CNTNAP5: variants seen among roughly 807,000 people sequenced by gnomAD.
CNTNAP5 encodes the protein contactin-associated protein-like 5.
In CNTNAP5, 72 loss-of-function variants were observed where a neutral mutation model predicts 150.2. That is an observed-to-expected ratio of 0.48 (90% CI 0.40 to 0.58). CNTNAP5 has a LOEUF of 0.58. Ranked by LOEUF, CNTNAP5 falls within the 20% of genes least tolerant of loss-of-function variation. CNTNAP5 has a pLI of 0.00. For synonymous variants in CNTNAP5, 672 were observed against 619.8 expected (o/e 1.08, Z -1.25); for missense variants, 1,636 against 1,626.2 (o/e 1.01, Z -0.10).
intron 13 of CNTNAP5, among the ~76,000 whole-genome samples, chr2:124,713,680 C>T (rs12992994): frequency 0.22 from 32,628 of 151,718 alleles, 3,685 homozygotes; most frequent in East Asian, 0.27. Context: ...TGGGCCATAA[C>T]GTGTTTCTTA....
chr2:124,116,247 G>A (rs1362167452), intron 1 of CNTNAP5, among the ~76,000 whole-genome samples: 1 of 152,164 alleles, frequency 6.6e-6, no homozygotes, highest in African/African-American at 2.4e-5. Context: ...GATAAAGTGG[G>A]TACCAGGTGT....
chr2:124,511,603 A>C (rs947255702), intron 8 of CNTNAP5, among the ~76,000 whole-genome samples: 124 of 152,304 alleles, frequency 8.1e-4, no homozygotes, highest in African/African-American at 3.0e-3. Context: ...TCCCTCCAGC[A>C]CTATTCATGA....
chr2:124,246,544 C>A (rs747127164), intron 3 of CNTNAP5, among the ~76,000 whole-genome samples: 4 of 152,160 alleles, frequency 2.6e-5, no homozygotes, highest in Non-Finnish European at 5.9e-5. Context: ...TGGGCAGCAA[C>A]ATGAGCCAAT....
At chr2:124,316,052 A>G (rs992702642) in intron 3 of CNTNAP5, among the ~76,000 whole-genome samples, 3 of 152,150 alleles carry the variant, frequency 2.0e-5, no homozygotes, top group Admixed American at 2.0e-4. Context: ...ATAGATGCAG[A>G]CTCCAACAGA....
intron 1 of CNTNAP5, among the ~76,000 whole-genome samples, chr2:124,153,851 G>A (rs544352628): frequency 1.3e-5 from 2 of 151,912 alleles, no homozygotes; most frequent in Non-Finnish European, 2.9e-5. Flanking sequence ...GACCTCAGTT[G>A]ATCCACCCGC....
chr2:124,620,729 A>G (rs910725667), intron 12 of CNTNAP5, among the ~76,000 whole-genome samples: 2 of 120,426 alleles, frequency 1.7e-5, no homozygotes, highest in African/African-American at 6.6e-5. Flanking sequence ...TATATATGCT[A>G]CACACACACA....
At chr2:124,556,218 C>A (rs756133094) in intron 10 of CNTNAP5, among the ~76,000 whole-genome samples, 1 of 152,184 alleles carries the variant, frequency 6.6e-6, no homozygotes, top group African/African-American at 2.4e-5. Context: ...ACCTTCCTGA[C>A]TCTGTCGCTT....
intron 1 of CNTNAP5, among the ~76,000 whole-genome samples, chr2:124,054,971 GT>G (rs1681805742): frequency 6.6e-6 from 1 of 152,164 alleles, no homozygotes; most frequent in Admixed American, 6.5e-5. Context: ...CCCTAACAGA[GT>G]TTTGAACTGG....
intron 10 of CNTNAP5, among the ~76,000 whole-genome samples, chr2:124,531,107 TG>T (rs1695095784): frequency 6.6e-6 from 1 of 151,880 alleles, no homozygotes; most frequent in African/African-American, 2.4e-5. Flanking sequence ...TGCAACTAGA[TG>T]GTCTCATCTG....
intron 7 of CNTNAP5, among the ~76,000 whole-genome samples, chr2:124,485,886 A>G (rs888292853): frequency 1.3e-5 from 2 of 152,132 alleles, no homozygotes; most frequent in African/African-American, 4.8e-5. Context: ...ACATTCAGCC[A>G]GTAGACAAAA....
At chr2:124,605,621 C>T (rs1200462441) in intron 11 of CNTNAP5, among the ~76,000 whole-genome samples, 1 of 151,754 alleles carries the variant, frequency 6.6e-6, no homozygotes, top group African/African-American at 2.4e-5. Flanking sequence ...TTGAGACCAG[C>T]TTGACTAACA....
chr2:124,074,208 G>A (rs528343274), intron 1 of CNTNAP5, among the ~76,000 whole-genome samples: 1 of 152,202 alleles, frequency 6.6e-6, no homozygotes, highest in East Asian at 1.9e-4. Context: ...AGTGGGGATA[G>A]TGGAAGGCAT....
chr2:124,655,385 A>G (rs1678421576), intron 13 of CNTNAP5, among the ~76,000 whole-genome samples: 1 of 152,058 alleles, frequency 6.6e-6, no homozygotes, highest in African/African-American at 2.4e-5. Context: ...TTCTTAATCC[A>G]GTCTATCACT....
intron 6 of CNTNAP5, among the ~76,000 whole-genome samples, chr2:124,468,860 A>G (rs1693440430): frequency 6.6e-6 from 1 of 152,072 alleles, no homozygotes; most frequent in Non-Finnish European, 1.5e-5. Context: ...TCACTGTGGA[A>G]CCCCTCTAGC....
chr2:124,074,926 G>A (rs3902861), intron 1 of CNTNAP5, among the ~76,000 whole-genome samples: 44,578 of 151,804 alleles, frequency 0.29, 6,873 homozygotes, highest in Admixed American at 0.37. Flanking sequence ...TCCATTTTAC[G>A]TAGTTTGATT....
chr2:124,162,100 A>T (rs1165176219), intron 1 of CNTNAP5, among the ~76,000 whole-genome samples: 3 of 152,140 alleles, frequency 2.0e-5, no homozygotes, highest in Non-Finnish European at 4.4e-5. Context: ...CAAGCTATTT[A>T]CTCATCTCTT....
intron 3 of CNTNAP5, among the ~76,000 whole-genome samples, chr2:124,364,069 C>T (rs143231273): frequency 6.6e-6 from 1 of 152,114 alleles, no homozygotes; most frequent in African/African-American, 2.4e-5. Context: ...TGAAGAGTAG[C>T]TCCCATTTCA....
intron 13 of CNTNAP5, among the ~76,000 whole-genome samples, chr2:124,659,490 C>T (rs886937108): frequency 6.6e-6 from 1 of 152,186 alleles, no homozygotes; most frequent in African/African-American, 2.4e-5. Context: ...TTTGGAGTAG[C>T]CATCATCAGG....
rs888455338 is a variant in CNTNAP5 at position 124,919,347 on chromosome 2, C to A, written c.*5059C>A. ...TGCACTAAGGTACTCTGAGGAAGAA[C>A]AGAAAAGCACATTTTCTAGTGAAAT... On this transcript the variant is annotated 3_prime_UTR_variant, in exon 24 of 24. Transcript: ENST00000682447. Among the ~76,000 whole-genome samples, 5 of 152,040 alleles carry A rather than the reference C, an allele frequency of 3.3e-5. No homozygotes were observed. The highest frequency in any genetic ancestry group is 5.9e-5 in the Non-Finnish European group (4 of 67,980).
Sources: gnomAD v4.1 joint callset for allele counts (sites outside exome capture counted in the v4.1 genomes callset) on GRCh38, gnomAD v4.1.1 for gene constraint, MANE v1.5 for transcripts, NCBI Gene and HGNC (gene_info 2026-07-23, HGNC 2026-07-21) for gene names.